ARID2: variants seen among roughly 807,000 people sequenced by gnomAD.
The protein encoded by ARID2 is AT-rich interactive domain-containing protein 2.
Under a neutral mutation model 184.6 loss-of-function variants are expected in ARID2, and 32 were observed. The ratio of observed to expected loss-of-function variants is 0.17; its 90% CI spans 0.13 to 0.23. The LOEUF is 0.23. Ranked by LOEUF, ARID2 falls within the 10% of genes least tolerant of loss-of-function variation. The pLI is 1.00. For missense variants in ARID2, 1,696 were observed against 2,197.6 expected (o/e 0.77, Z 4.56); for synonymous variants, 836 against 772.6 (o/e 1.08, Z -1.36).
At chr12:45,873,698 A>G (rs939093487) in intron 16 of ARID2, among the ~76,000 whole-genome samples, 1 of 152,250 alleles carries the variant, frequency 6.6e-6, no homozygotes, top group Non-Finnish European at 1.5e-5. Flanking sequence ...TGTTTACACT[A>G]TACTGTAGTT....
chr12:45,777,384 CATA>C (rs1343434268), intron 3 of ARID2, among the ~76,000 whole-genome samples: 1 of 152,030 alleles, frequency 6.6e-6, no homozygotes, highest in Non-Finnish European at 1.5e-5. Context: ...TTAATGTGTT[CATA>C]ATGACTGAAT....
At chr12:45,791,818 C>T (rs1942297813) in intron 3 of ARID2, among the ~76,000 whole-genome samples, 1 of 152,130 alleles carries the variant, frequency 6.6e-6, no homozygotes, top group Non-Finnish European at 1.5e-5. Flanking sequence ...AGAAAGTTGT[C>T]TGCAATCTAG....
intron 3 of ARID2, among the ~76,000 whole-genome samples, chr12:45,808,672 A>C (rs982039813): frequency 1.1e-4 from 16 of 151,976 alleles, no homozygotes; most frequent in African/African-American, 3.9e-4. Flanking sequence ...TCCTGTTTAT[A>C]GCCTTTCTTT....
chr12:45,739,117 C>T (rs1044880639), intron 3 of ARID2, among the ~76,000 whole-genome samples: 7 of 151,800 alleles, frequency 4.6e-5, no homozygotes, highest in Admixed American at 2.0e-4. Flanking sequence ...GATAGGTGCC[C>T]GCCACCATGC....
intron 3 of ARID2, among the ~76,000 whole-genome samples, chr12:45,766,664 C>A (rs1387163185): frequency 6.6e-6 from 1 of 152,064 alleles, no homozygotes; most frequent in African/African-American, 2.4e-5. Context: ...CAGGCACCCA[C>A]CACCACACCT....
chr12:45,754,690 ATC>A (rs1280276546), intron 3 of ARID2, among the ~76,000 whole-genome samples: 1 of 152,194 alleles, frequency 6.6e-6, no homozygotes, highest in Non-Finnish European at 1.5e-5. Flanking sequence ...CCTCATTTAT[ATC>A]TCTATTACAA....
In ARID2 at chr12:45,839,957, A is replaced by G. The variant is rs183601815; in HGVS notation, c.1498+461A>G. 598 of 158,124 alleles carry G rather than the reference A, an allele frequency of 3.8e-3. 2 individuals are homozygous for G. Among genetic ancestry groups the G allele is most frequent in the African/African-American group, 0.013 (551 of 41,618 alleles). The allele number at this position is 158,124 out of a possible 1,614,324, so 9.8% of individuals were successfully genotyped here. ...GAATCAACAGCCTAGGAGAAGACAC[A>G]TGCACATATGTATACACACACTTAC... is the stretch of plus-strand genomic sequence containing the variant. On this transcript the variant is annotated intron_variant, in intron 11 of 20. Transcript: ENST00000334344.
At chr12:45,824,903 T>C (rs1399101767) in intron 6 of ARID2, among the ~76,000 whole-genome samples, 1 of 150,594 alleles carries the variant, frequency 6.6e-6, no homozygotes, top group Non-Finnish European at 1.5e-5. Flanking sequence ...AATGAAATAC[T>C]ATTCAGCCCT....
chr12:45,844,781 C>T lies in ARID2; in HGVS notation c.1499-2075C>T, dbSNP rs534893654. On this transcript the variant is annotated intron_variant, in intron 11 of 20. Transcript: ENST00000334344. ...ATTGTATGGACAGAGTTATTTTGCT[C>T]ATAGTTACACAGCTAGCTAGTGAGT... Among the ~76,000 whole-genome samples the T allele has an allele frequency of 4.6e-5, 7 of 152,244 alleles. No homozygotes were observed. The East Asian group carries it at 1.3e-3, about 29-fold the overall frequency.
intron 3 of ARID2, among the ~76,000 whole-genome samples, chr12:45,792,383 A>T (rs939972603): frequency 6.6e-6 from 1 of 152,216 alleles, no homozygotes; most frequent in Admixed American, 6.5e-5. Flanking sequence ...CCTAATATGT[A>T]CTGTGATCAG....
intron 8 of ARID2, 118 bp downstream of exon 8, chr12:45,837,109 TTAG>T (rs1484515890): frequency 6.0e-6 from 8 of 1,330,174 alleles, no homozygotes; most frequent in Non-Finnish European, 8.1e-6. Flanking sequence ...CTTACATGTA[TTAG>T]TTGCTAAAAA....
chr12:45,771,937 A>T (rs1284065949), intron 3 of ARID2, among the ~76,000 whole-genome samples: 5 of 152,156 alleles, frequency 3.3e-5, no homozygotes, highest in Non-Finnish European at 7.4e-5. Flanking sequence ...TAACTATAAC[A>T]AGTATTGTTC....
At chr12:45,839,273 A>G in intron 10 of ARID2, 56 bp from the exon 11 acceptor site, 8 of 1,464,124 alleles carry the variant, frequency 5.5e-6, no homozygotes, top group Non-Finnish European at 7.4e-6. Flanking sequence ...TTCACCAGTG[A>G]TGGCATTCAT....
chr12:45,875,975 A>G (rs1004121437), intron 16 of ARID2, among the ~76,000 whole-genome samples: 1 of 152,214 alleles, frequency 6.6e-6, no homozygotes, highest in Admixed American at 6.5e-5. Context: ...TTTATTTTCC[A>G]TTGAGAACTT....
intron 3 of ARID2, among the ~76,000 whole-genome samples, chr12:45,759,437 CA>C (rs1324937726): frequency 1.3e-5 from 2 of 152,100 alleles, no homozygotes; most frequent in East Asian, 3.9e-4. Context: ...AGTTGTTTTC[CA>C]TGAAAGGGAA....
At chr12:45,776,220 A>G (rs1455230011) in intron 3 of ARID2, 1 of 154,002 alleles carries the variant, frequency 6.5e-6, no homozygotes, top group Non-Finnish European at 1.5e-5. Flanking sequence ...GTTAGGGCCA[A>G]GCAGTCTGTT....
At position 45,851,381 on chromosome 12, in the gene ARID2, C is replaced by G. The variant is rs2138170504; in HGVS notation, c.3258C>G (p.Pro1086=). 1.2e-6 allele frequency: 2 copies of G among 1,614,092 alleles called. No homozygotes were observed. The highest frequency in any genetic ancestry group is 1.7e-6 in the Non-Finnish European group (2 of 1,179,986). The part of the protein sequence containing the change: ...KLILPAPQIP[P]PNNARAPSPQ... Reference sequence around the variant, plus strand: ...TTCTCCCAGCTCCACAGATTCCTCCCCCTAATAATGCAAGAGCTCCTAGCC... The same window carrying G: ...TTCTCCCAGCTCCACAGATTCCTCCGCCTAATAATGCAAGAGCTCCTAGCC... Residue 1086 remains proline (P), a synonymous_variant, in exon 15 of 21, where the codon CCC becomes CCG. Coordinates refer to ENST00000334344, the MANE Select transcript of ARID2 (RefSeq NM_152641.4).
chr12:45,883,901 C>T (rs1216276610), intron 16 of ARID2, among the ~76,000 whole-genome samples: 1 of 152,148 alleles, frequency 6.6e-6, no homozygotes, highest in Non-Finnish European at 1.5e-5. Flanking sequence ...TGGAGACGTA[C>T]TTTGCGCTAT....
At chr12:45,734,979 A>G (rs934066777) in intron 3 of ARID2, among the ~76,000 whole-genome samples, 3 of 152,216 alleles carry the variant, frequency 2.0e-5, no homozygotes, top group African/African-American at 7.2e-5. Context: ...GTACAAAACT[A>G]TATGTTACTA....
Sources: allele counts gnomAD v4.1 joint callset (sites outside exome capture counted in the v4.1 genomes callset), GRCh38; gene constraint gnomAD v4.1.1; transcripts MANE v1.5; gene names NCBI Gene and HGNC (gene_info 2026-07-23, HGNC 2026-07-21).